The following HMGA2 variants were observed in gnomAD, a reference collection of about 807,000 sequenced individuals.
HMGA2 encodes the protein high mobility group protein HMGI-C.
A neutral mutation model predicts 19.1 loss-of-function variants in HMGA2; 8 were observed. The observed-to-expected ratio is 0.42, with a 90% CI of 0.25 to 0.76. The LOEUF (loss-of-function observed/expected upper bound fraction) is 0.76. HMGA2 is among the 30% of genes least tolerant of loss of function. HMGA2 has a pLI of 0.28. For synonymous variants in HMGA2, 60 were observed against 48.8 expected (o/e 1.23, Z -0.96); for missense variants, 109 against 136.3 (o/e 0.80, Z 1.00).
chr12:65,847,610 C>T (rs568720205), intron 3 of HMGA2, among the ~76,000 whole-genome samples: 1 of 152,306 alleles, frequency 6.6e-6, no homozygotes, highest in African/African-American at 2.4e-5. Flanking sequence ...GTTCAGGTAT[C>T]AGCTTAATCA....
chr12:65,920,589 C>T (rs1404538035), intron 3 of HMGA2, among the ~76,000 whole-genome samples: 2 of 152,122 alleles, frequency 1.3e-5, no homozygotes, highest in African/African-American at 4.8e-5. Context: ...CAGTCTTTCC[C>T]ATGCTATTCT....
At chr12:65,853,474 A>G (rs1871577303) in intron 3 of HMGA2, among the ~76,000 whole-genome samples, 1 of 152,132 alleles carries the variant, frequency 6.6e-6, no homozygotes, top group Non-Finnish European at 1.5e-5. Flanking sequence ...TCTAGAGTGG[A>G]ATGTGGTTAA....
intron 3 of HMGA2, among the ~76,000 whole-genome samples, chr12:65,890,782 G>A (rs935866333): frequency 4.0e-5 from 6 of 151,396 alleles, no homozygotes; most frequent in African/African-American, 1.5e-4. Flanking sequence ...TGAAGTGCAG[G>A]GGCGCGATCT....
At chr12:65,883,068 C>A (rs1457287465) in intron 3 of HMGA2, among the ~76,000 whole-genome samples, 3 of 152,214 alleles carry the variant, frequency 2.0e-5, no homozygotes. Context: ...TGTTTATCTT[C>A]TTTGTCAATG....
intron 3 of HMGA2, among the ~76,000 whole-genome samples, chr12:65,907,297 C>A (rs993469362): frequency 6.6e-6 from 1 of 151,476 alleles, no homozygotes. Context: ...GTAATCCCAG[C>A]TACTCAGGAA....
In HMGA2 at chr12:65,881,916, C is replaced by T. The variant is rs1484467259; in HGVS notation, c.249+43347C>T. 3 of 701,810 alleles carry T rather than the reference C, an allele frequency of 4.3e-6. No homozygotes were observed. In the African/African-American group the frequency reaches 5.2e-5, roughly 12 times the overall value. The allele number at this position is 701,810 out of a possible 1,614,324, so 43.5% of individuals were successfully genotyped here. ...GTAGGTCCCGGAGTATGTTTCCATGCTGCAGAAGGCATGGAGAGATTCCAA... is the reference window on the plus strand; with the variant it reads ...GTAGGTCCCGGAGTATGTTTCCATGTTGCAGAAGGCATGGAGAGATTCCAA... On this transcript the variant is annotated intron_variant, in intron 3 of 4. Coordinates refer to ENST00000403681, the MANE Select transcript of HMGA2 (RefSeq NM_003483.6).
chr12:65,881,690 G>C (rs1592417285), intron 3 of HMGA2: 2 of 699,764 alleles, frequency 2.9e-6, no homozygotes, highest in Non-Finnish European at 5.2e-6. Context: ...GAGGAGGAGA[G>C]AAATTGCTGA....
intron 3 of HMGA2, among the ~76,000 whole-genome samples, chr12:65,937,399 C>A (rs1875934244): frequency 6.6e-6 from 1 of 152,088 alleles, no homozygotes; most frequent in Non-Finnish European, 1.5e-5. Context: ...GCCCCAAGCA[C>A]AACCCCAGGT....
At chr12:65,953,978 C>T (rs960921344) in intron 4 of HMGA2, 3 of 152,154 alleles carry the variant, frequency 2.0e-5, no homozygotes, top group African/African-American at 7.2e-5. Flanking sequence ...TTCAGAATCG[C>T]TTTTGAGGTG....
At chr12:65,943,873 A>G (rs1230146969) in intron 3 of HMGA2, among the ~76,000 whole-genome samples, 1 of 152,210 alleles carries the variant, frequency 6.6e-6, no homozygotes, top group Non-Finnish European at 1.5e-5. Context: ...GGCTTTTTCT[A>G]GGTTCAGAGA....
intron 3 of HMGA2, among the ~76,000 whole-genome samples, chr12:65,865,633 C>CTTTTT (rs952845162): frequency 3.0e-5 from 4 of 131,772 alleles, no homozygotes; most frequent in Non-Finnish European, 4.9e-5. Flanking sequence ...ATCTATTTTT[C>CTTTTT]TTTTTTTTTT....
intron 2 of HMGA2, chr12:65,828,779 A>C (rs1262042108): frequency 1.3e-5 from 2 of 153,092 alleles, no homozygotes; most frequent in Admixed American, 1.3e-4. Context: ...GGCTCATTTA[A>C]TATCTCTTTT....
intron 3 of HMGA2, among the ~76,000 whole-genome samples, chr12:65,848,857 C>T (rs997723093): frequency 6.6e-6 from 1 of 151,198 alleles, no homozygotes; most frequent in Non-Finnish European, 1.5e-5. Context: ...AGCGAGACTC[C>T]GTCTCAAAAA....
intron 3 of HMGA2, chr12:65,857,703 T>A (rs911675099): frequency 2.0e-5 from 3 of 152,194 alleles, no homozygotes; most frequent in African/African-American, 7.2e-5. Flanking sequence ...CTTAAAAAAA[T>A]AGTTTTAAAC....
chr12:65,936,131 T>C (rs551087337), intron 3 of HMGA2, among the ~76,000 whole-genome samples: 202 of 152,336 alleles, frequency 1.3e-3, no homozygotes, highest in Non-Finnish European at 2.6e-3. Flanking sequence ...GTTTTCCTTT[T>C]ACTATTAAGT....
At chr12:65,904,678 T>C (rs1455150773) in intron 3 of HMGA2, among the ~76,000 whole-genome samples, 1 of 152,234 alleles carries the variant, frequency 6.6e-6, no homozygotes, top group Non-Finnish European at 1.5e-5. Flanking sequence ...AGTTTGATGA[T>C]ACTAATTACT....
At chr12:65,885,890 T>A (rs1032511709) in intron 3 of HMGA2, among the ~76,000 whole-genome samples, 1 of 152,200 alleles carries the variant, frequency 6.6e-6, no homozygotes, top group Non-Finnish European at 1.5e-5. Flanking sequence ...ATTACTCAGT[T>A]AAATGGGGAG....
chr12:65,859,853 A>C (rs530398864), intron 3 of HMGA2: 50 of 209,886 alleles, frequency 2.4e-4, no homozygotes, highest in African/African-American at 1.1e-3. Flanking sequence ...GGAGCCTGAG[A>C]TGGGAGGATT....
chr12:65,920,336 T>C (rs991691107), intron 3 of HMGA2, among the ~76,000 whole-genome samples: 2 of 152,140 alleles, frequency 1.3e-5, no homozygotes, highest in African/African-American at 4.8e-5. Context: ...ATCTGGGGGC[T>C]TGCCAAGTCC....
Sources: gnomAD v4.1 joint callset for allele counts (sites outside exome capture counted in the v4.1 genomes callset) on GRCh38, gnomAD v4.1.1 for gene constraint, MANE v1.5 for transcripts, NCBI Gene and HGNC (gene_info 2026-07-23, HGNC 2026-07-21) for gene names.